The following RNF130 variants were observed in gnomAD, a reference collection of about 807,000 sequenced individuals.
RNF130 encodes ring finger protein 130.
Under a neutral mutation model 44.6 loss-of-function variants are expected in RNF130, and 21 were observed. That is an observed-to-expected ratio of 0.47 (90% confidence interval 0.33 to 0.68). The LOEUF (loss-of-function observed/expected upper bound fraction) is 0.68, where lower values mean the gene tolerates loss of function less well. Among genes scored for constraint, RNF130 ranks in the 30% least tolerant of loss-of-function variants. The pLI, the probability that RNF130 is intolerant of heterozygous loss-of-function variation, is 0.02. For synonymous variants in RNF130, 214 were observed against 210.4 expected (o/e 1.02, Z -0.15); for missense variants, 479 against 560.6 (o/e 0.85, Z 1.47).
chr5:179,946,144 C>T (rs1326143549), intron 7 of RNF130, among the ~76,000 whole-genome samples: 1 of 152,222 alleles, frequency 6.6e-6, no homozygotes, highest in African/African-American at 2.4e-5. Flanking sequence ...GGGTGCAACC[C>T]CCTACAGTTA....
exon 8 of RNF130, chr5:179,918,150 C>T (rs1761579589): frequency 6.6e-6 from 1 of 152,178 alleles, no homozygotes; most frequent in Non-Finnish European, 1.5e-5. Context: ...CCCAATTTTC[C>T]AGAAAAGGGT....
In RNF130 at chr5:179,942,262, C is replaced by T. The variant is rs373272267; in HGVS notation, c.1151-21836G>A. On this transcript the variant is annotated intron_variant, in intron 7 of 7. Transcript: ENST00000522208. ...TGTACCATCAGTTATGGTAGTTAGA[C>T]GGCTTTAATGAAGATTACAAAGGTT... 1.7e-3 allele frequency among the ~76,000 whole-genome samples: 262 copies of T among 151,550 alleles called. 2 individuals are homozygous for T. Among genetic ancestry groups the T allele is most frequent in the African/African-American group, 5.7e-3 (237 of 41,394 alleles).
rs139220617 is a variant in RNF130 at position 180,006,541 on chromosome 5, T to C, written c.693+6520A>G. On this transcript the variant is annotated intron_variant, in intron 3 of 8. Coordinates refer to ENST00000521389, the MANE Select transcript of RNF130 (RefSeq NM_018434.6). Reference sequence around the variant, plus strand: ...TACACATGTTATGGCAAGAAGCTTTTACAAATTTTAAATACCTTAAAAAGC... The same window carrying C: ...TACACATGTTATGGCAAGAAGCTTTCACAAATTTTAAATACCTTAAAAAGC... Among the ~76,000 whole-genome samples, 639 of 152,364 alleles carry C rather than the reference T, an allele frequency of 4.2e-3. 2 individuals carry two copies. The highest frequency in any genetic ancestry group is 6.4e-3 in the South Asian group (31 of 4,830).
chr5:179,930,260 G>A lies in RNF130; in HGVS notation c.1151-9834C>T, dbSNP rs181934494. 2.8e-3 allele frequency among the ~76,000 whole-genome samples: 419 copies of A among 152,164 alleles called. 4 individuals are homozygous for A. Among genetic ancestry groups the A allele is most frequent in the African/African-American group, 9.4e-3 (392 of 41,514 alleles). On this transcript the variant is annotated intron_variant, in intron 7 of 7. Transcript: ENST00000522208. ...TTTAGTAGAGATGGGGTTTCACCACGTTGGTCAGGCTGATCTCGAACTCCT... is the reference window on the plus strand; with the variant it reads ...TTTAGTAGAGATGGGGTTTCACCACATTGGTCAGGCTGATCTCGAACTCCT...
chr5:179,951,394 T>TG (rs1303080488), downstream of RNF130, among the ~76,000 whole-genome samples: 6 of 151,684 alleles, frequency 4.0e-5, no homozygotes, highest in Non-Finnish European at 5.9e-5. Context: ...TTTTTGTTTT[T>TG]TTTTTTTGAG....
intron 2 of RNF130, among the ~76,000 whole-genome samples, chr5:180,023,992 G>A (rs1172054345): frequency 2.6e-5 from 4 of 152,190 alleles, no homozygotes; most frequent in African/African-American, 9.6e-5. Flanking sequence ...GGTATGACAG[G>A]ATGCATGCTA....
intron 4 of RNF130, 112 bp downstream of exon 4, chr5:179,980,017 G>T: frequency 3.5e-6 from 3 of 848,172 alleles, no homozygotes; most frequent in Non-Finnish European, 3.9e-6. Context: ...TAGTGTAGTT[G>T]GAGAAAATCT....
intron 7 of RNF130, among the ~76,000 whole-genome samples, chr5:179,938,300 CA>C (rs1017774350): frequency 5.9e-5 from 9 of 151,888 alleles, no homozygotes; most frequent in Non-Finnish European, 1.3e-4. Flanking sequence ...TGAAAGAGGC[CA>C]AACACAAAAG....
Position 180,003,713 on chromosome 5 carries a change from G to C in RNF130, c.693+9348C>G, listed in dbSNP as rs555411020. On this transcript the variant is annotated intron_variant, in intron 3 of 8. Coordinates refer to ENST00000521389, the MANE Select transcript of RNF130 (RefSeq NM_018434.6). ...ATTTTTTTAAAATTTTTCATTCTAA[G>C]TCTATTTGCATCCGGCTAACTCTCA... Among the ~76,000 whole-genome samples, 96 of 152,160 alleles carry C rather than the reference G, an allele frequency of 6.3e-4. 1 individual carries two copies. Among genetic ancestry groups the C allele is most frequent in the African/African-American group, 2.1e-3 (87 of 41,514 alleles).
chr5:180,007,357 C>T (rs145748392), intron 3 of RNF130, among the ~76,000 whole-genome samples: 11 of 152,190 alleles, frequency 7.2e-5, no homozygotes, highest in African/African-American at 1.7e-4. Flanking sequence ...GCCAAGATCG[C>T]GCCACTGCAC....
At chr5:179,997,919 G>A (rs1054469102) in intron 3 of RNF130, among the ~76,000 whole-genome samples, 3 of 151,290 alleles carry the variant, frequency 2.0e-5, no homozygotes, top group Non-Finnish European at 4.4e-5. Context: ...TCGGCTCACT[G>A]CAACCTTTGC....
intron 7 of RNF130, among the ~76,000 whole-genome samples, chr5:179,931,410 CTTTT>C (rs906701831): frequency 7.2e-5 from 11 of 152,194 alleles, no homozygotes; most frequent in African/African-American, 2.6e-4. Context: ...TTAAGTGTAG[CTTTT>C]TTGTTTTTTG....
At chr5:179,936,758 G>T (rs542020632) in intron 7 of RNF130, among the ~76,000 whole-genome samples, 4 of 152,190 alleles carry the variant, frequency 2.6e-5, no homozygotes, top group Non-Finnish European at 4.4e-5. Flanking sequence ...GCATGGTACT[G>T]CCATAAACAC....
At chr5:179,974,239 C>T (rs932935914) in intron 5 of RNF130, among the ~76,000 whole-genome samples, 10 of 152,146 alleles carry the variant, frequency 6.6e-5, no homozygotes, top group Non-Finnish European at 1.5e-4. Context: ...AGCGGCCGGC[C>T]CCCCGCTTTA....
At chr5:179,962,414 T>G (rs1351511118) in intron 8 of RNF130, among the ~76,000 whole-genome samples, 1 of 152,204 alleles carries the variant, frequency 6.6e-6, no homozygotes, top group Admixed American at 6.5e-5. Context: ...TTACATCAAC[T>G]GCATGAGGTA....
At chr5:179,972,599 G>T (rs955173525) in intron 5 of RNF130, among the ~76,000 whole-genome samples, 2 of 152,028 alleles carry the variant, frequency 1.3e-5, no homozygotes. Flanking sequence ...AGATGAGGGT[G>T]GGGGGTGGCT....
chr5:179,986,374 C>T (rs766202999), intron 3 of RNF130, among the ~76,000 whole-genome samples: 7 of 152,200 alleles, frequency 4.6e-5, no homozygotes, highest in Non-Finnish European at 7.3e-5. Context: ...GACTTCTCTC[C>T]GCTTCTTGGG....
Position 179,963,058 on chromosome 5 carries a change from G to A in RNF130, c.1244+413C>T, listed in dbSNP as rs535821383. On this transcript the variant is annotated intron_variant, in intron 8 of 8. Coordinates refer to ENST00000521389, the MANE Select transcript of RNF130 (RefSeq NM_018434.6). ...AGGCACTGGTCCTGACCACAGGCAC[G>A]GCCGCCGGGGCTTCCCCAGAAGCTA... is the stretch of plus-strand genomic sequence containing the variant. Among the ~76,000 whole-genome samples the A allele has an allele frequency of 9.8e-5, 15 of 152,350 alleles. No individual in the cohort carries two copies. The South Asian group carries it at 2.3e-3, about 23-fold the overall frequency.
chr5:180,000,631 T>C (rs534516437), intron 3 of RNF130, among the ~76,000 whole-genome samples: 1 of 152,236 alleles, frequency 6.6e-6, no homozygotes, highest in Non-Finnish European at 1.5e-5. Context: ...AAATAACCTA[T>C]CTTCAAGTTG....
Sources: gnomAD v4.1 joint callset for allele counts (sites outside exome capture counted in the v4.1 genomes callset) on GRCh38, gnomAD v4.1.1 for gene constraint, MANE v1.5 for transcripts, NCBI Gene and HGNC (gene_info 2026-07-23, HGNC 2026-07-21) for gene names.